Variants in MYO18B observed in about 807,000 individuals in gnomAD.
MYO18B encodes unconventional myosin-XVIIIb.
Under a neutral mutation model 273.0 loss-of-function variants are expected in MYO18B, and 204 were observed. The observed-to-expected ratio is 0.75, with a 90% CI of 0.67 to 0.84. The LOEUF (loss-of-function observed/expected upper bound fraction) is 0.84. Ranked by LOEUF, MYO18B falls within the 40% of genes least tolerant of loss-of-function variation. The probability of loss-of-function intolerance (pLI) is 0.00; values close to 1 mark genes in which losing one functional copy is unlikely to be tolerated. For missense variants in MYO18B, 3,212 were observed against 3,287.6 expected (o/e 0.98, Z 0.56); for synonymous variants, 1,330 against 1,305.7 (o/e 1.02, Z -0.40).
Position 25,805,450 on chromosome 22 carries a change from C to G in MYO18B, c.2521+7353C>G, listed in dbSNP as rs16980780. On this transcript the variant is annotated intron_variant, in intron 12 of 43. Coordinates refer to ENST00000335473, the MANE Select transcript of MYO18B (RefSeq NM_032608.7). ...TGTGGATTTATTCTTGGAGCCTCAGCTGGGAGCCCTAGAGCTCTCTCCAGG... is the reference window on the plus strand; with the variant it reads ...TGTGGATTTATTCTTGGAGCCTCAGGTGGGAGCCCTAGAGCTCTCTCCAGG... Among the ~76,000 whole-genome samples, 540 of 152,312 alleles carry G rather than the reference C, an allele frequency of 3.5e-3. 26 individuals are homozygous for G. The East Asian group carries it at 0.087, about 24-fold the overall frequency.
the MYO18B span, among the ~76,000 whole-genome samples, chr22:26,054,880 G>A: frequency 6.6e-6 from 1 of 152,114 alleles, no homozygotes; most frequent in African/African-American, 2.4e-5. Flanking sequence ...GAAACATAGG[G>A]TGATGATGTG....
the MYO18B span, among the ~76,000 whole-genome samples, chr22:26,060,663 A>C: frequency 1.3e-5 from 2 of 152,188 alleles, no homozygotes; most frequent in African/African-American, 4.8e-5. Flanking sequence ...ACATTTATAC[A>C]TACGCACACA....
rs193082377 is a variant in MYO18B at position 25,933,688 on chromosome 22, C to T, written c.5517+12279C>T. 4.1e-4 allele frequency among the ~76,000 whole-genome samples: 62 copies of T among 151,132 alleles called. 1 individual carries two copies. The highest frequency in any genetic ancestry group is 1.5e-3 in the African/African-American group (60 of 40,482). ...CCTAATAATTGGTTTATTGTTGTTG[C>T]GGTTGTATGTGACTACCACAATTTA... is the stretch of plus-strand genomic sequence containing the variant. On this transcript the variant is annotated intron_variant, in intron 34 of 43. Coordinates refer to ENST00000335473, the MANE Select transcript of MYO18B (RefSeq NM_032608.7).
chr22:25,895,123 T>C, intron 27 of MYO18B, 33 bp from the exon 28 acceptor site: 2 of 1,606,778 alleles, frequency 1.2e-6, no homozygotes, highest in Non-Finnish European at 1.7e-6. Flanking sequence ...TCATTTGGCC[T>C]CTTATCCTGG....
At position 25,898,355 on chromosome 22, in the gene MYO18B, C is replaced by T. The variant is rs1047596402; in HGVS notation, c.4717C>T (p.Gln1573Ter). The T allele has an allele frequency of 6.2e-7, 1 of 1,613,884 alleles. No homozygotes were observed. The highest frequency in any genetic ancestry group is 1.7e-5 in the Admixed American group (1 of 60,012). The change falls in exon 29 of 44, where the codon CAA (glutamine) becomes TAA (stop). Residue 1573 changes from glutamine to a stop codon, truncating the protein, a stop_gained. Coordinates refer to ENST00000335473, the MANE Select transcript of MYO18B (RefSeq NM_032608.7). LOFTEE classifies it high-confidence loss of function. Reference protein sequence around the residue: ...AYDGAKKMAHQLKRKCHHLTC... With the variant: ...AYDGAKKMAH ...TGACGGGGCCAAGAAGATGGCTCACCAACTGAAGAGGAAGTGCCACCATCT... is the reference window on the plus strand; with the variant it reads ...TGACGGGGCCAAGAAGATGGCTCACTAACTGAAGAGGAAGTGCCACCATCT...
intron 17 of MYO18B, among the ~76,000 whole-genome samples, chr22:25,839,663 G>A (rs1030167056): frequency 6.6e-6 from 1 of 152,180 alleles, no homozygotes; most frequent in African/African-American, 2.4e-5. Context: ...AGGCCAGTCG[G>A]ACTTGTGACT....
At chr22:25,999,067 A>G (rs914682838) in intron 40 of MYO18B, among the ~76,000 whole-genome samples, 13 of 152,154 alleles carry the variant, frequency 8.5e-5, no homozygotes, top group Non-Finnish European at 1.2e-4. Flanking sequence ...TGTTTGGCAT[A>G]TGTTATCCTC....
chr22:25,895,181 C>T lies in MYO18B; in HGVS notation c.4569C>T (p.Asp1523=). Residue 1523 remains aspartate (D), a synonymous_variant, in exon 28 of 44, where the codon GAC becomes GAT. Transcript: ENST00000335473. The part of the protein sequence containing the change: ...GGADEWQMRF[D]CAQMENEFLR... ...CAGACGAGTGGCAGATGCGCTTCGA[C>T]TGTGCTCAGATGGAGAACGAGTTCC... 1 of 1,612,400 alleles carries T rather than the reference C, an allele frequency of 6.2e-7. No individual in the cohort carries two copies. The highest frequency in any genetic ancestry group is 1.3e-5 in the African/African-American group (1 of 75,052).
the MYO18B span, among the ~76,000 whole-genome samples, chr22:26,063,139 T>G: frequency 1.3e-5 from 2 of 152,180 alleles, no homozygotes; most frequent in African/African-American, 4.8e-5. Context: ...CTGGAATGAT[T>G]TACTTGGTGC....
chr22:25,864,190 G>A (rs967730232), intron 21 of MYO18B, among the ~76,000 whole-genome samples: 4 of 152,208 alleles, frequency 2.6e-5, no homozygotes, highest in Admixed American at 2.0e-4. Context: ...TGGGTGGTGA[G>A]TGGGAGAACC....
rs1227324237 is a variant in MYO18B at position 25,798,108 on chromosome 22, C to G, written c.2521+11C>G. The G allele has an allele frequency of 3.8e-6, 6 of 1,594,614 alleles. No individual in the cohort carries two copies. Among genetic ancestry groups the G allele is most frequent in the Non-Finnish European group, 4.3e-6 (5 of 1,166,566 alleles). On this transcript the variant is annotated intron_variant, in intron 12 of 43. Transcript: ENST00000335473. ...CGGGGGCCTGCAAAGGTACGTCCTT[C>G]CTGCCGGGCTCACCTGGGAGGGCAG...
chr22:25,939,044 G>A (rs1027462998), intron 34 of MYO18B, among the ~76,000 whole-genome samples: 1 of 152,134 alleles, frequency 6.6e-6, no homozygotes, highest in Non-Finnish European at 1.5e-5. Context: ...GGAACTCGTG[G>A]CCTCAAGTGA....
At chr22:25,855,450 A>AT (rs1475684780) in intron 21 of MYO18B, among the ~76,000 whole-genome samples, 1 of 151,768 alleles carries the variant, frequency 6.6e-6, no homozygotes, top group East Asian at 1.9e-4. Context: ...CGCCTGGCTA[A>AT]TTTTTTGTAT....
At chr22:26,025,047 C>A (rs1936134194) in intron 42 of MYO18B, among the ~76,000 whole-genome samples, 1 of 152,088 alleles carries the variant, frequency 6.6e-6, no homozygotes, top group Non-Finnish European at 1.5e-5. Context: ...TACAAGGGCT[C>A]CACCCTGGTG....
chr22:26,058,351 G>A, the MYO18B span, among the ~76,000 whole-genome samples: 1 of 152,112 alleles, frequency 6.6e-6, no homozygotes, highest in Non-Finnish European at 1.5e-5. Flanking sequence ...GGTGGTTGCT[G>A]GAGGGCCAGT....
chr22:26,032,834 T>C (rs966723170), downstream of MYO18B, among the ~76,000 whole-genome samples: 3 of 152,130 alleles, frequency 2.0e-5, no homozygotes, highest in Non-Finnish European at 4.4e-5. Flanking sequence ...CCAAACACTG[T>C]CACATTGTAA....
intron 11 of MYO18B, among the ~76,000 whole-genome samples, chr22:25,793,637 C>G (rs2087775532): frequency 6.6e-6 from 1 of 152,184 alleles, no homozygotes; most frequent in Non-Finnish European, 1.5e-5. Context: ...TAGAGGGCGT[C>G]CAGCTCTGAC....
intron 21 of MYO18B, 81 bp from the exon 22 acceptor site, chr22:25,868,239 G>GCCATCGAGCCAGCTTGACTTTCC: frequency 8.3e-7 from 1 of 1,203,108 alleles, no homozygotes; most frequent in Non-Finnish European, 1.2e-6. Flanking sequence ...TGGCGCATCA[G>GCCATCGAGCCAGCTTGACTTTCC]CCATCGAGCC....
At position 25,869,219 on chromosome 22, in the gene MYO18B, C is replaced by T. The variant is rs180937919; in HGVS notation, c.3951+834C>T. Among the ~76,000 whole-genome samples the T allele has an allele frequency of 3.1e-3, 473 of 152,054 alleles. 7 individuals carry two copies. Among genetic ancestry groups the T allele is most frequent in the Admixed American group, 0.024 (371 of 15,264 alleles). ...ATTCCAGCACTTTGGGAGGCCAAGG[C>T]GGGCAGATCACCTGAGGTCAGGAGT... On this transcript the variant is annotated intron_variant, in intron 22 of 43. Coordinates refer to ENST00000335473, the MANE Select transcript of MYO18B (RefSeq NM_032608.7).
Sources: gnomAD v4.1 joint callset for allele counts (sites outside exome capture counted in the v4.1 genomes callset) on GRCh38, gnomAD v4.1.1 for gene constraint, MANE v1.5 for transcripts, NCBI Gene and HGNC (gene_info 2026-07-23, HGNC 2026-07-21) for gene names.